The following FRMD4A variants were observed in gnomAD, a reference collection of about 807,000 sequenced individuals.
FRMD4A encodes the protein FERM domain containing 4A.
In FRMD4A, 29 loss-of-function variants were observed where a neutral mutation model predicts 129.1. The observed-to-expected ratio is 0.22, with a 90% CI of 0.17 to 0.31. The LOEUF (loss-of-function observed/expected upper bound fraction) is 0.31, where lower values mean the gene tolerates loss of function less well. Ranked by LOEUF, FRMD4A falls within the 10% of genes least tolerant of loss-of-function variation. The probability of loss-of-function intolerance (pLI) is 1.00; values close to 1 mark genes in which losing one functional copy is unlikely to be tolerated. For missense variants in FRMD4A, 1,272 were observed against 1,375.8 expected, an observed-to-expected ratio of 0.92 and a Z score of 1.19; for synonymous variants, 634 against 571.6, an observed-to-expected ratio of 1.11 and a Z score of -1.56.
intron 2 of FRMD4A, chr10:13,890,563 C>A: frequency 2.0e-6 from 2 of 984,020 alleles, no homozygotes; most frequent in African/African-American, 3.5e-5. Flanking sequence ...CAGGCTGTCA[C>A]CACTGACCAG....
At chr10:13,955,674 G>A (rs1042425995) in intron 2 of FRMD4A, among the ~76,000 whole-genome samples, 2 of 152,196 alleles carry the variant, frequency 1.3e-5, no homozygotes, top group African/African-American at 2.4e-5. Context: ...GCGCCTGATG[G>A]CAAGCTTATT....
At chr10:13,889,406 G>A (rs140897601) in intron 2 of FRMD4A, among the ~76,000 whole-genome samples, 9 of 152,224 alleles carry the variant, frequency 5.9e-5, no homozygotes, top group East Asian at 5.8e-4. Context: ...CTATAACTTC[G>A]CTGTGACAAT....
At chr10:13,954,251 C>T (rs2447022) in intron 2 of FRMD4A, among the ~76,000 whole-genome samples, 120,743 of 152,218 alleles carry the variant, frequency 0.79, 48,480 homozygotes, top group East Asian at 0.98. Flanking sequence ...GATAAAGACA[C>T]ACCTGAGACT....
chr10:14,167,538 CAAAAAAA>C (rs59290414), intron 2 of FRMD4A, among the ~76,000 whole-genome samples: 10 of 57,568 alleles, frequency 1.7e-4, no homozygotes, highest in Admixed American at 5.3e-4. Context: ...CTCCGTCTCT[CAAAAAAA>C]AAAAAAAAAA....
intron 2 of FRMD4A, among the ~76,000 whole-genome samples, chr10:13,953,182 A>G (rs912800657): frequency 9.2e-5 from 14 of 152,172 alleles, no homozygotes; most frequent in Non-Finnish European, 7.4e-5. Flanking sequence ...TCTTCCATAT[A>G]GATGCTCTTC....
At chr10:14,116,463 G>C (rs1838202485) in intron 2 of FRMD4A, among the ~76,000 whole-genome samples, 1 of 152,206 alleles carries the variant, frequency 6.6e-6, no homozygotes, top group Non-Finnish European at 1.5e-5. Context: ...GCTGAAAGCA[G>C]ATACGGAGAG....
chr10:13,672,110 T>C (rs2083558145), intron 16 of FRMD4A, among the ~76,000 whole-genome samples: 1 of 152,236 alleles, frequency 6.6e-6, no homozygotes, highest in Admixed American at 6.5e-5. Flanking sequence ...TGTGTGCGTG[T>C]GTACATGTGT....
At chr10:13,993,953 T>G (rs1439749751) in intron 2 of FRMD4A, among the ~76,000 whole-genome samples, 1 of 151,964 alleles carries the variant, frequency 6.6e-6, no homozygotes, top group Non-Finnish European at 1.5e-5. Context: ...GATGTTTCCT[T>G]TTTATGAAAA....
In FRMD4A at chr10:14,006,696, G is replaced by A. The variant is rs932002635; in HGVS notation, c.46-147784C>T. ...AATAAATATCTTAATAATAGAACAC[G>A]TGATAAAAATTTTGTTACCATACAG... is the stretch of plus-strand genomic sequence containing the variant. On this transcript the variant is annotated intron_variant, in intron 2 of 24. Transcript: ENST00000357447. Among the ~76,000 whole-genome samples, 7 of 152,066 alleles carry A rather than the reference G, an allele frequency of 4.6e-5. No homozygotes were observed. In the South Asian group the frequency reaches 6.2e-4, roughly 14 times the overall value.
intron 2 of FRMD4A, among the ~76,000 whole-genome samples, chr10:14,067,387 G>C (rs992458903): frequency 1.3e-5 from 2 of 152,032 alleles, no homozygotes; most frequent in Admixed American, 1.3e-4. Flanking sequence ...GTATAGAGGG[G>C]AACAGGAAAG....
chr10:13,959,453 C>T (rs1173193724), intron 2 of FRMD4A, among the ~76,000 whole-genome samples: 3 of 98,464 alleles, frequency 3.0e-5, no homozygotes, highest in East Asian at 3.5e-4. Context: ...CTCCGGGTGA[C>T]AGAGCAAGAC....
At chr10:13,888,056 T>C (rs185051321) in intron 2 of FRMD4A, among the ~76,000 whole-genome samples, 7 of 152,338 alleles carry the variant, frequency 4.6e-5, no homozygotes, top group Non-Finnish European at 7.3e-5. Flanking sequence ...TGTGCAATCG[T>C]GACTCCAAAG....
chr10:13,878,688 G>C (rs2094514313), intron 2 of FRMD4A, among the ~76,000 whole-genome samples: 2 of 152,070 alleles, frequency 1.3e-5, no homozygotes, highest in Admixed American at 1.3e-4. Flanking sequence ...GGGAGGCGGA[G>C]GTTGCAGTGA....
intron 2 of FRMD4A, among the ~76,000 whole-genome samples, chr10:14,045,905 T>C (rs961845280): frequency 6.8e-6 from 1 of 147,028 alleles, no homozygotes; most frequent in Non-Finnish European, 1.5e-5. Context: ...TAAAACTATA[T>C]TATAATTATC....
At chr10:14,121,604 C>T (rs79055945) in intron 2 of FRMD4A, among the ~76,000 whole-genome samples, 1,622 of 152,228 alleles carry the variant, frequency 0.011, 29 homozygotes, top group African/African-American at 0.034. Context: ...AAGCAACATC[C>T]CTGGAGCAGG....
At chr10:14,252,932 A>T (rs74499525) in intron 2 of FRMD4A, among the ~76,000 whole-genome samples, 1 of 152,066 alleles carries the variant, frequency 6.6e-6, no homozygotes, top group Admixed American at 6.5e-5. Context: ...TTCTCCATTC[A>T]TTCATTCATT....
At chr10:13,782,787 T>C in intron 6 of FRMD4A, 135 bp downstream of exon 6, 1 of 661,308 alleles carries the variant, frequency 1.5e-6, no homozygotes, top group Non-Finnish European at 2.8e-6. Flanking sequence ...TAACATTCCA[T>C]TTATTTATAG....
At chr10:14,030,186 G>A (rs778446768) in intron 2 of FRMD4A, among the ~76,000 whole-genome samples, 26 of 152,196 alleles carry the variant, frequency 1.7e-4, no homozygotes, top group Non-Finnish European at 2.9e-4. Context: ...AATGCACAGC[G>A]ATGTGACTGA....
intron 2 of FRMD4A, among the ~76,000 whole-genome samples, chr10:14,300,265 C>T (rs891204799): frequency 6.6e-6 from 1 of 152,172 alleles, no homozygotes; most frequent in Admixed American, 6.5e-5. Context: ...TAACAGTCAA[C>T]TCTGAATTAC....
Sources: gnomAD v4.1 joint callset for allele counts (sites outside exome capture counted in the v4.1 genomes callset) on GRCh38, gnomAD v4.1.1 for gene constraint, MANE v1.5 for transcripts, NCBI Gene and HGNC (gene_info 2026-07-23, HGNC 2026-07-21) for gene names.